Variants in VWA5B1 observed in about 807,000 individuals in gnomAD.
VWA5B1 encodes the protein von Willebrand factor A domain containing 5B1, also known as von Willebrand factor A domain-containing protein 5B1.
A neutral mutation model predicts 118.2 loss-of-function variants in VWA5B1; 115 were observed. The ratio of observed to expected loss-of-function variants is 0.97; its 90% confidence interval spans 0.84 to 1.14. VWA5B1 has a LOEUF of 1.14. Ranked by LOEUF, VWA5B1 falls within the 50% of genes most tolerant of loss-of-function variation. The pLI is 0.00. For missense variants in VWA5B1, 1,596 were observed against 1,603.8 expected (o/e 1.00, Z 0.08); for synonymous variants, 682 against 658.4 (o/e 1.04, Z -0.55).
At chr1:20,343,999 C>T (rs962663911) in intron 16 of VWA5B1, among the ~76,000 whole-genome samples, 3 of 144,998 alleles carry the variant, frequency 2.1e-5, no homozygotes, top group Non-Finnish European at 4.5e-5. Context: ...TCACTGCTCC[C>T]CCACTCCACC....
At chr1:20,347,052 G>T (rs966939155) in intron 17 of VWA5B1, among the ~76,000 whole-genome samples, 7 of 152,120 alleles carry the variant, frequency 4.6e-5, no homozygotes, top group Admixed American at 1.3e-4. Context: ...GGAAGTTAGG[G>T]ACCTGGCCCA....
In VWA5B1 at chr1:20,330,332, C is replaced by A; in HGVS notation, c.1407C>A (p.Asn469Lys). ...LLFVITDGAVNNTGKVLELVR... is the reference protein window; with the variant it reads ...LLFVITDGAVKNTGKVLELVR... ...TCGTGATCACAGATGGCGCTGTCAACAACACAGGGAAGGTGCTGGAGCTGG... is the reference window on the plus strand; with the variant it reads ...TCGTGATCACAGATGGCGCTGTCAAAAACACAGGGAAGGTGCTGGAGCTGG... The change falls in exon 10 of 22, where the codon AAC (asparagine) becomes AAA (lysine). Residue 469 changes from asparagine to lysine, a missense_variant. Asn to Lys is a moderately conservative substitution (Grantham distance 94, BLOSUM62 0). Transcript: ENST00000289815. The A allele has an allele frequency of 6.4e-7, 1 of 1,551,778 alleles. No individual in the cohort carries two copies.
rs527605754 is a variant in VWA5B1 at position 20,343,356 on chromosome 1, C to A, written c.2589C>A (p.Phe863Leu). Residue 863 changes from phenylalanine to leucine, a missense_variant, in exon 16 of 22, where the codon TTC becomes TTA. Physicochemically the swap from Phe to Leu is conservative, Grantham distance 22 (BLOSUM62 0). Coordinates refer to ENST00000289815, the MANE Select transcript of VWA5B1 (RefSeq NM_001039500.3). ...CGGCCCGCGCCATCATCCGCGACTT[C>A]GAGCAGCTGGCGGAGCGCGAGGGCG... ...HLAARAIIRDFEQLAEREGEI... is the reference protein window; with the variant it reads ...HLAARAIIRDLEQLAEREGEI... 10 of 1,539,590 alleles carry A rather than the reference C, an allele frequency of 6.5e-6. No individual in the cohort carries two copies. The highest frequency in any genetic ancestry group is 1.4e-5 in the African/African-American group (1 of 73,054).
intron 1 of VWA5B1, among the ~76,000 whole-genome samples, chr1:20,298,503 C>T (rs2088448527): frequency 6.6e-6 from 1 of 152,126 alleles, no homozygotes; most frequent in African/African-American, 2.4e-5. Flanking sequence ...TTCCCCTACA[C>T]AGGGCAAAGC....
intron 19 of VWA5B1, among the ~76,000 whole-genome samples, chr1:20,350,505 C>G (rs1286159905): frequency 2.0e-5 from 3 of 152,202 alleles, no homozygotes; most frequent in African/African-American, 4.8e-5. Context: ...TTTTGCCACT[C>G]CGCTCTGCCT....
At chr1:20,304,788 A>G (rs2088599837) in intron 1 of VWA5B1, among the ~76,000 whole-genome samples, 1 of 152,184 alleles carries the variant, frequency 6.6e-6, no homozygotes, top group Non-Finnish European at 1.5e-5. Flanking sequence ...GTTTAAGCAC[A>G]TGGTCCTTCT....
intron 11 of VWA5B1, 104 bp from the exon 12 acceptor site, chr1:20,332,662 C>T (rs1474668159): frequency 1.2e-5 from 15 of 1,265,380 alleles, no homozygotes; most frequent in East Asian, 2.5e-5. Flanking sequence ...GCCTACTGTC[C>T]CCTCTTCCCT....
At chr1:20,332,989 C>A in intron 12 of VWA5B1, 38 bp downstream of exon 12, 5 of 1,544,228 alleles carry the variant, frequency 3.2e-6, no homozygotes, top group Non-Finnish European at 4.4e-6. Flanking sequence ...CGTGTGGGCC[C>A]AGAACCCATG....
In VWA5B1 at chr1:20,319,268, C is replaced by A. The variant is rs539524962; in HGVS notation, c.842-114C>A. ...CTTCAGGCAGCCAGGGCTTCCACCC[C>A]GCTTCCAAATGGGAGTCCCACCCCT... is the stretch of plus-strand genomic sequence containing the variant. On this transcript the variant is annotated intron_variant, in intron 6 of 21. Transcript: ENST00000289815. 1.2e-5 allele frequency: 17 copies of A among 1,440,030 alleles called. No homozygotes were observed. In the African/African-American group the frequency reaches 1.6e-4, roughly 13 times the overall value. 89.2% of individuals were successfully genotyped at this position (1,440,030 alleles called of 1,614,324 possible).
At chr1:20,347,637 T>A (rs2090035351) in intron 17 of VWA5B1, among the ~76,000 whole-genome samples, 1 of 151,998 alleles carries the variant, frequency 6.6e-6, no homozygotes, top group Admixed American at 6.6e-5. Context: ...TTTTTTTATT[T>A]TTTTTGGTAG....
rs2088947263 is a variant in VWA5B1 at position 20,314,570 on chromosome 1, A to T, written c.541A>T (p.Thr181Ser). The T allele has an allele frequency of 6.4e-7, 1 of 1,551,154 alleles. No individual in the cohort carries two copies. The highest frequency in any genetic ancestry group is 8.7e-7 in the Non-Finnish European group (1 of 1,146,908). Residue 181 changes from threonine to serine, a missense_variant, in exon 4 of 22, where the codon ACC becomes TCC. Thr to Ser is a moderately conservative substitution (Grantham distance 58). Coordinates refer to ENST00000289815, the MANE Select transcript of VWA5B1 (RefSeq NM_001039500.3). Reference sequence around the variant, plus strand: ...CCAGTTCTGCACCAAGAGCACTGGCACCTCCAACCAACAGGCCCAGGGGTA... The same window carrying T: ...CCAGTTCTGCACCAAGAGCACTGGCTCCTCCAACCAACAGGCCCAGGGGTA... ...VPQFCTKSTGTSNQQAQGKDR... is the reference protein window; with the variant it reads ...VPQFCTKSTGSSNQQAQGKDR...
rs201320047 is a variant in VWA5B1 at position 20,353,711 on chromosome 1, G to A, written c.3142-46G>A. The A allele has an allele frequency of 6.7e-5, 97 of 1,443,298 alleles. No homozygotes were observed. In the East Asian group the frequency reaches 2.4e-3, roughly 36 times the overall value. The allele number at this position is 1,443,298 out of a possible 1,614,324, so 89.4% of individuals were successfully genotyped here. On this transcript the variant is annotated intron_variant, in intron 21 of 21. Transcript: ENST00000289815. ...ACTTTTGCATGGCCTATGGCTCCCT[G>A]GGCTAAAACATTTGAGGCCCACTGA...
chr1:20,307,325 G>A (rs911569574), intron 1 of VWA5B1, among the ~76,000 whole-genome samples: 9 of 152,178 alleles, frequency 5.9e-5, no homozygotes, highest in African/African-American at 2.2e-4. Flanking sequence ...TGGAAGGGAA[G>A]ACACTCAGCA....
In VWA5B1 at chr1:20,317,790, A is replaced by T. The variant is rs1429804774; in HGVS notation, c.709+115A>T. 8.5e-6 allele frequency: 11 copies of T among 1,297,810 alleles called. No individual in the cohort carries two copies. In the East Asian group the frequency reaches 2.7e-4, roughly 32 times the overall value. 80.4% of individuals were successfully genotyped at this position (1,297,810 alleles called of 1,614,324 possible). A position where few individuals can be genotyped will look rare whatever the true frequency, so the allele number is the denominator to read the frequency against. On this transcript the variant is annotated intron_variant, in intron 5 of 21. Coordinates refer to ENST00000289815, the MANE Select transcript of VWA5B1 (RefSeq NM_001039500.3). ...AACTGGCCCAGATGGCAGACCTACT[A>T]AAGTACACAAAGCCTGTGGACCCCC... is the stretch of plus-strand genomic sequence containing the variant.
rs201252051 is a variant in VWA5B1, at chr1:20,332,934, A to G, written c.1741A>G (p.Ile581Val). 4 of 1,551,926 alleles carry G rather than the reference A, an allele frequency of 2.6e-6. No homozygotes were observed. Among genetic ancestry groups the G allele is most frequent in the Admixed American group, 3.9e-5 (2 of 51,012 alleles). ...YGIVCDASLH[I>V]SNPRSDKRRR... ...CATTGTATGTGATGCTTCTTTGCAC[A>G]TCTCCAATCCCAGATCTGTAAGTAT... is the stretch of plus-strand genomic sequence containing the variant. Residue 581 changes from isoleucine (I) to valine (V), a missense_variant, in exon 12 of 22, where the codon ATC becomes GTC. Coordinates refer to ENST00000289815, the MANE Select transcript of VWA5B1 (RefSeq NM_001039500.3).
chr1:20,348,104 T>C, intron 17 of VWA5B1, 141 bp from the exon 18 acceptor site: 2 of 792,636 alleles, frequency 2.5e-6, no homozygotes, highest in South Asian at 3.6e-5. Flanking sequence ...CTAAAGCTTA[T>C]GGTCTTACCC....
chr1:20,356,095 C>G lies in VWA5B1; in HGVS notation c.*1832C>G, dbSNP rs1024052699. On this transcript the variant is annotated 3_prime_UTR_variant, in exon 22 of 22. Coordinates refer to ENST00000289815, the MANE Select transcript of VWA5B1 (RefSeq NM_001039500.3). ...ATGTGAGCGGAGCTTTGTCATCTCC[C>G]TGCACACTCCCCATCCCCTGCCAAA... is the stretch of plus-strand genomic sequence containing the variant. Among the ~76,000 whole-genome samples, 6 of 152,220 alleles carry G rather than the reference C, an allele frequency of 3.9e-5. No homozygotes were observed. The highest frequency in any genetic ancestry group is 3.9e-4 in the Admixed American group (6 of 15,286).
chr1:20,349,487 G>A (rs1399505785), intron 18 of VWA5B1, among the ~76,000 whole-genome samples: 2 of 151,956 alleles, frequency 1.3e-5, no homozygotes, highest in Non-Finnish European at 2.9e-5. Context: ...GGGTTCAAGC[G>A]ATTCTCCTGC....
rs1557836944 is a variant in VWA5B1 at position 20,312,863 on chromosome 1, G to A, written c.167G>A (p.Cys56Tyr). Residue 56 changes from cysteine to tyrosine, a missense_variant, in exon 3 of 22, where the codon TGC (cysteine) becomes TAC (tyrosine). Physicochemically the swap from Cys to Tyr is radical, Grantham distance 194 (BLOSUM62 -2). Coordinates refer to ENST00000289815, the MANE Select transcript of VWA5B1 (RefSeq NM_001039500.3). ...QGLFVYPLDECTTVIGFEAVI... is the reference protein window; with the variant it reads ...QGLFVYPLDEYTTVIGFEAVI... ...CTCTTCGTGTACCCCCTGGATGAGT[G>A]CACCACGGTGATCGGCTTTGAGGCA... 6.4e-7 allele frequency: 1 copy of A among 1,551,634 alleles called. No individual in the cohort carries two copies. Among genetic ancestry groups the A allele is most frequent in the Admixed American group, 2.0e-5 (1 of 51,010 alleles).
Sources: gnomAD v4.1 joint callset for allele counts (sites outside exome capture counted in the v4.1 genomes callset) on GRCh38, gnomAD v4.1.1 for gene constraint, MANE v1.5 for transcripts, NCBI Gene and HGNC (gene_info 2026-07-23, HGNC 2026-07-21) for gene names.